Variants in TM2D3 observed in about 807,000 individuals in gnomAD.
TM2D3 encodes the protein TM2 domain containing 3, also known as TM2 domain-containing protein 3.
TM2D3 carries 33 observed loss-of-function variants against 27.3 expected under a neutral mutation model. That is an observed-to-expected ratio of 1.21 (90% CI 0.92 to 1.61). The LOEUF is 1.61. Among genes scored for constraint, TM2D3 ranks in the 40% most tolerant of loss-of-function variants. The pLI, the probability that TM2D3 is intolerant of heterozygous loss-of-function variation, is 0.00. For missense variants in TM2D3, 364 were observed against 320.8 expected (o/e 1.13, Z -1.03); for synonymous variants, 138 against 122.2 (o/e 1.13, Z -0.85).
rs1896687723 is a variant in TM2D3 at position 101,642,277 on chromosome 15, GA to G, written c.*201del. 5 of 1,243,582 alleles carry G rather than the reference GA, an allele frequency of 4.0e-6. No homozygotes were observed. The highest frequency in any genetic ancestry group is 3.2e-5 in the East Asian group (1 of 31,178). 77.0% of individuals were successfully genotyped at this position (1,243,582 alleles called of 1,614,324 possible). A position where few individuals can be genotyped will look rare whatever the true frequency, so the allele number is the denominator to read the frequency against. On this transcript the variant is annotated 3_prime_UTR_variant, in exon 6 of 6. Transcript: ENST00000333202. ...TTAAGTACGTTTTAATTTTTTCACAGAAAAAAATATATTTCAGGCAAATAAA... is the reference window on the plus strand; with the variant it reads ...TTAAGTACGTTTTAATTTTTTCACAGAAAAAATATATTTCAGGCAAATAAA...
chr15:101,651,964 G>A (rs918019585), intron 1 of TM2D3, 191 bp from the exon 2 acceptor site: 10 of 615,800 alleles, frequency 1.6e-5, no homozygotes, highest in African/African-American at 7.5e-5. Context: ...CAGGTCAGCC[G>A]GCAACGAGGG....
In TM2D3 at chr15:101,651,760, C is replaced by A. The variant is rs768976904; in HGVS notation, c.105G>T (p.Ala35=). ...CCGGATCCTTTATTGACTGAGCCAG[C>A]GCCTGCGATTGCTCTAAATTTAAGG... The part of the protein sequence containing the change: ...CILSGGEQSQ[A]LAQSIKDPGP... Residue 35 remains alanine (A), a synonymous_variant, in exon 2 of 6, where the codon GCG becomes GCT. Coordinates refer to ENST00000333202, the MANE Select transcript of TM2D3 (RefSeq NM_078474.3). The A allele has an allele frequency of 6.2e-7, 1 of 1,614,160 alleles. No homozygotes were observed. Among genetic ancestry groups the A allele is most frequent in the Non-Finnish European group, 8.5e-7 (1 of 1,180,018 alleles).
At chr15:101,647,819 A>G (rs958296444) in intron 3 of TM2D3, among the ~76,000 whole-genome samples, 5 of 152,130 alleles carry the variant, frequency 3.3e-5, no homozygotes, top group African/African-American at 1.2e-4. Flanking sequence ...ATATTTTTCA[A>G]AATCATTTTT....
chr15:101,647,157 A>T (rs1896835993), intron 3 of TM2D3, among the ~76,000 whole-genome samples: 1 of 152,260 alleles, frequency 6.6e-6, no homozygotes. Flanking sequence ...TCAAAATAGC[A>T]AAGGTTATTT....
downstream of TM2D3, among the ~76,000 whole-genome samples, chr15:101,639,671 T>G (rs1210328424): frequency 6.6e-6 from 1 of 152,196 alleles, no homozygotes; most frequent in Non-Finnish European, 1.5e-5. Flanking sequence ...AAAAAATCTT[T>G]TTATACGCAC....
intron 1 of TM2D3, 78 bp downstream of exon 1, chr15:101,652,192 TG>T: frequency 7.6e-7 from 1 of 1,319,694 alleles, no homozygotes; most frequent in Non-Finnish European, 1.1e-6. Context: ...CGTCCGCCCG[TG>T]GGCCCGGCCT....
At chr15:101,634,600 C>T (rs960439927) in intron 4 of TM2D3, 2 of 152,160 alleles carry the variant, frequency 1.3e-5, no homozygotes, top group Admixed American at 6.5e-5. Context: ...TTGACCTAAT[C>T]GTCACTGATA....
At chr15:101,646,066 G>T (rs897472611) in intron 4 of TM2D3, 2 of 152,332 alleles carry the variant, frequency 1.3e-5, no homozygotes, top group Non-Finnish European at 2.9e-5. Context: ...GACAGGCAAA[G>T]AAATTTGAAC....
At chr15:101,638,044 T>C (rs971003689), downstream of TM2D3, among the ~76,000 whole-genome samples, 4 of 152,134 alleles carry the variant, frequency 2.6e-5, no homozygotes, top group African/African-American at 9.7e-5. Flanking sequence ...TTTCTAAATG[T>C]CCTGAATCAA....
downstream of TM2D3, among the ~76,000 whole-genome samples, chr15:101,637,999 C>T (rs531691373): frequency 6.6e-6 from 1 of 152,166 alleles, no homozygotes; most frequent in African/African-American, 2.4e-5. Flanking sequence ...TATATCTTTG[C>T]TAGAATATCT....
intron 5 of TM2D3, among the ~76,000 whole-genome samples, chr15:101,642,917 AG>A (rs1214796828): frequency 6.6e-6 from 1 of 152,162 alleles, no homozygotes; most frequent in Admixed American, 6.5e-5. Flanking sequence ...ATTGCTTTTT[AG>A]TCAAAATAAA....
At chr15:101,645,431 T>C (rs760465500) in intron 4 of TM2D3, 1 of 418,010 alleles carries the variant, frequency 2.4e-6, no homozygotes, top group Non-Finnish European at 4.3e-6. Context: ...TAAGACAGTG[T>C]AGTCTTGAGG....
intron 4 of TM2D3, chr15:101,636,216 C>T (rs186781063): frequency 3.3e-5 from 5 of 152,212 alleles, no homozygotes; most frequent in Non-Finnish European, 5.9e-5. Flanking sequence ...AATAATGGTG[C>T]TGTAAACGAG....
At chr15:101,644,380 G>A (rs962621551) in intron 5 of TM2D3, among the ~76,000 whole-genome samples, 6 of 152,156 alleles carry the variant, frequency 3.9e-5, no homozygotes, top group Admixed American at 1.3e-4. Flanking sequence ...GGCCAGTGAT[G>A]CTGCTCAACA....
chr15:101,642,006 C>G lies in TM2D3; in HGVS notation c.*473G>C, dbSNP rs1896680961. On this transcript the variant is annotated 3_prime_UTR_variant, in exon 6 of 6. Coordinates refer to ENST00000333202, the MANE Select transcript of TM2D3 (RefSeq NM_078474.3). ...TATGTATTACACTGCAAAACTTACA[C>G]ATGACTGAAGCTGAGCCTAATAACT... The G allele has an allele frequency of 2.0e-6, 2 of 985,976 alleles. No homozygotes were observed. Among genetic ancestry groups the G allele is most frequent in the Non-Finnish European group, 2.4e-6 (2 of 830,172 alleles). 61.1% of individuals were successfully genotyped at this position (985,976 alleles called of 1,614,324 possible).
intron 2 of TM2D3, 99 bp downstream of exon 2, chr15:101,651,597 G>A (rs1160171102): frequency 6.8e-6 from 8 of 1,184,972 alleles, no homozygotes; most frequent in Non-Finnish European, 9.8e-6. Flanking sequence ...ATTCAAAAAT[G>A]GAAAGTGACT....
intron 4 of TM2D3, chr15:101,646,404 AGCACTCAG>A (rs528704430): frequency 2.8e-5 from 7 of 250,404 alleles, no homozygotes; most frequent in East Asian, 2.6e-4. Flanking sequence ...GGTGAAGGCA[AGCACTCAG>A]GCACTCAGGC....
chr15:101,649,046 A>C (rs1045858422), intron 3 of TM2D3, among the ~76,000 whole-genome samples: 13 of 152,360 alleles, frequency 8.5e-5, no homozygotes, highest in South Asian at 8.3e-4. Context: ...CAAATTAAAA[A>C]AAAATTGCCA....
downstream of TM2D3, among the ~76,000 whole-genome samples, chr15:101,640,531 C>T (rs116548903): frequency 1.3e-3 from 196 of 152,322 alleles, 3 homozygotes; most frequent in African/African-American, 4.2e-3. Context: ...GAAGGTCAGA[C>T]TCCAACATGG....
Sources: gnomAD v4.1 joint callset for allele counts (sites outside exome capture counted in the v4.1 genomes callset) on GRCh38, gnomAD v4.1.1 for gene constraint, MANE v1.5 for transcripts, NCBI Gene and HGNC (gene_info 2026-07-23, HGNC 2026-07-21) for gene names.